KCNQ1: variants seen among roughly 807,000 people sequenced by gnomAD.
The protein encoded by KCNQ1 is potassium voltage-gated channel subfamily KQT member 1.
Under a neutral mutation model 72.4 loss-of-function variants are expected in KCNQ1, and 49 were observed. That is an observed-to-expected ratio of 0.68 (90% CI 0.54 to 0.86). KCNQ1 has a LOEUF of 0.86. Ranked by LOEUF, KCNQ1 falls within the 40% of genes least tolerant of loss-of-function variation. The pLI, the probability that KCNQ1 is intolerant of heterozygous loss-of-function variation, is 0.00. For synonymous variants in KCNQ1, 450 were observed against 412.6 expected (o/e 1.09, Z -1.10); for missense variants, 790 against 945.1 (o/e 0.84, Z 2.15).
At position 2,593,251 on chromosome 11, in the gene KCNQ1, CT is replaced by C. The variant is rs1848692905; in HGVS notation, c.1393+4398del. 6.6e-6 allele frequency among the ~76,000 whole-genome samples: 1 copy of C among 152,180 alleles called. No individual in the cohort carries two copies. The highest frequency in any genetic ancestry group is 1.5e-5 in the Non-Finnish European group (1 of 68,006). On this transcript the variant is annotated intron_variant, in intron 10 of 15. Coordinates refer to ENST00000155840, the MANE Select transcript of KCNQ1 (RefSeq NM_000218.3). The surrounding 1 kb of genome is among the most constrained non-coding windows in gnomAD (Gnocchi z 6.9). ...GCCGGAGGTGGCCTCCTGAATGCCC[CT>C]AGGAGGCCAGAGGAGACTTCCCCAA...
intron 11 of KCNQ1, chr11:2,689,905 C>G: frequency 2.5e-6 from 1 of 398,850 alleles, no homozygotes; most frequent in Non-Finnish European, 4.4e-6. Context: ...TTCCCACCTG[C>G]TCCAACTTCT....
Position 2,669,348 on chromosome 11 carries a change from G to A in KCNQ1, c.1514+7267G>A, listed in dbSNP as rs1401142268. The A allele has an allele frequency of 2.5e-6, 1 of 398,518 alleles. No individual in the cohort carries two copies. Among genetic ancestry groups the A allele is most frequent in the African/African-American group, 2.1e-5 (1 of 48,620 alleles). 24.7% of individuals were successfully genotyped at this position (398,518 alleles called of 1,614,324 possible). On this transcript the variant is annotated intron_variant, in intron 11 of 15. Coordinates refer to ENST00000155840, the MANE Select transcript of KCNQ1 (RefSeq NM_000218.3). The surrounding 1 kb of genome is among the most constrained non-coding windows in gnomAD (Gnocchi z 5.6). ...CCTCTAGGCGCAGCAGCCTCTAGATGGGCATGGGAGAATGGGTATCCTTAT... is the reference window on the plus strand; with the variant it reads ...CCTCTAGGCGCAGCAGCCTCTAGATAGGCATGGGAGAATGGGTATCCTTAT...
chr11:2,568,355 G>A (rs2133722637), intron 2 of KCNQ1, among the ~76,000 whole-genome samples: 1 of 152,340 alleles, frequency 6.6e-6, no homozygotes, highest in South Asian at 2.1e-4. Flanking sequence ...GCTGGGTGGT[G>A]GATGGGTCAG....
At chr11:2,512,754 A>G (rs903102022) in intron 1 of KCNQ1, among the ~76,000 whole-genome samples, 2 of 152,128 alleles carry the variant, frequency 1.3e-5, no homozygotes, top group African/African-American at 4.8e-5. Flanking sequence ...CTGGTCATGG[A>G]GGCTGGGGGC....
chr11:2,601,924 A>G lies in KCNQ1; in HGVS notation c.1393+13070A>G, dbSNP rs561608131. Among the ~76,000 whole-genome samples, 5 of 152,330 alleles carry G rather than the reference A, an allele frequency of 3.3e-5. No homozygotes were observed. Among genetic ancestry groups the G allele is most frequent in the Admixed American group, 6.5e-5 (1 of 15,306 alleles). On this transcript the variant is annotated intron_variant, in intron 10 of 15. Transcript: ENST00000155840. The surrounding 1 kb of genome is among the most constrained non-coding windows in gnomAD (Gnocchi z 5.2). Reference sequence around the variant, plus strand: ...GTCCTAACGCCTAGAACCTGTGACTATCGCCTTCTATGGCAAAGGGCACTC... The same window carrying G: ...GTCCTAACGCCTAGAACCTGTGACTGTCGCCTTCTATGGCAAAGGGCACTC...
intron 1 of KCNQ1, chr11:2,461,378 T>G: frequency 8.1e-7 from 1 of 1,227,746 alleles, no homozygotes; most frequent in Non-Finnish European, 1.0e-6. Flanking sequence ...AAGGGAACCT[T>G]GAGTGTGGAG....
At chr11:2,619,797 G>T in intron 10 of KCNQ1, 1 of 398,078 alleles carries the variant, frequency 2.5e-6, no homozygotes, top group Non-Finnish European at 4.4e-6. Flanking sequence ...ATATTGGGTA[G>T]TATTCAGTCA....
At chr11:2,641,773 C>A (rs1044175940) in intron 10 of KCNQ1, 4 of 398,278 alleles carry the variant, frequency 1.0e-5, no homozygotes, top group African/African-American at 2.1e-5. Flanking sequence ...TAGTTTCATG[C>A]CTCATGTTTA....
intron 1 of KCNQ1, among the ~76,000 whole-genome samples, chr11:2,487,586 T>A (rs933514982): frequency 6.6e-6 from 1 of 152,186 alleles, no homozygotes; most frequent in Admixed American, 6.5e-5. Context: ...GTCTTTTACC[T>A]CCTTGGTTAA....
In KCNQ1 at chr11:2,458,387, A is replaced by T. The variant is rs1846225737; in HGVS notation, c.386+12903A>T. ...GGCAAGCAAACGGAGAGAATCTGAC[A>T]TGTGTCCCAGTCGTGATTAACCTGT... On this transcript the variant is annotated intron_variant, in intron 1 of 15. Coordinates refer to ENST00000155840, the MANE Select transcript of KCNQ1 (RefSeq NM_000218.3). The surrounding 1 kb of genome is among the most constrained non-coding windows in gnomAD (Gnocchi z 4.6). Among the ~76,000 whole-genome samples the T allele has an allele frequency of 1.3e-5, 2 of 152,350 alleles. No homozygotes were observed. The highest frequency in any genetic ancestry group is 4.1e-4 in the South Asian group (2 of 4,828).
In KCNQ1 at chr11:2,724,525, G is replaced by T. The variant is rs997087421; in HGVS notation, c.1515-44319G>T. 1.3e-5 allele frequency among the ~76,000 whole-genome samples: 2 copies of T among 152,200 alleles called. No homozygotes were observed. Among genetic ancestry groups the T allele is most frequent in the Non-Finnish European group, 2.9e-5 (2 of 68,022 alleles). ...AGCGAGCAGGCTGTCCTGCAAGGCC[G>T]TGGCTGCACTGAGGGCAGAAGGGGC... On this transcript the variant is annotated intron_variant, in intron 11 of 15. Transcript: ENST00000155840. This position sits in a 1 kb window ranked among gnomAD's most constrained non-coding sequence, Gnocchi z 6.8.
chr11:2,666,032 T>A, intron 11 of KCNQ1: 1 of 398,656 alleles, frequency 2.5e-6, no homozygotes, highest in Non-Finnish European at 4.4e-6. Context: ...TGCACATGGA[T>A]ACCTGAGATA....
chr11:2,778,102 G>A lies in KCNQ1; in HGVS notation c.1794+65G>A, dbSNP rs1414891710. The A allele has an allele frequency of 4.1e-6, 6 of 1,477,870 alleles. No individual in the cohort carries two copies. In the African/African-American group the frequency reaches 4.2e-5, roughly 10 times the overall value. 91.5% of individuals were successfully genotyped at this position (1,477,870 alleles called of 1,614,324 possible). On this transcript the variant is annotated intron_variant, in intron 15 of 15. Coordinates refer to ENST00000155840, the MANE Select transcript of KCNQ1 (RefSeq NM_000218.3). ...TCCTGGGGCCAGCAGGCACCTCCCT[G>A]TGGTCTGCGTGTGAACGTGAAGCTC...
In KCNQ1 at chr11:2,564,822, G is replaced by A. The variant is rs1848223622; in HGVS notation, c.478-5806G>A. ...TGATGACTGTAGCGACCTCACGTGA[G>A]TGGAAGCAGATAGTATTTGTCCTTG... On this transcript the variant is annotated intron_variant, in intron 2 of 15. Coordinates refer to ENST00000155840, the MANE Select transcript of KCNQ1 (RefSeq NM_000218.3). This position sits in a 1 kb window ranked among gnomAD's most constrained non-coding sequence, Gnocchi z 4.5. 6.6e-6 allele frequency among the ~76,000 whole-genome samples: 1 copy of A among 152,182 alleles called. No individual in the cohort carries two copies. The highest frequency in any genetic ancestry group is 2.4e-5 in the African/African-American group (1 of 41,428).
chr11:2,470,449 C>T (rs1313242353), intron 1 of KCNQ1, among the ~76,000 whole-genome samples: 1 of 152,078 alleles, frequency 6.6e-6, no homozygotes, highest in Non-Finnish European at 1.5e-5. Flanking sequence ...AGCATGGAAG[C>T]GTATATCCCA....
chr11:2,517,443 G>A lies in KCNQ1; in HGVS notation c.387-10485G>A, dbSNP rs149345956. ...CCCTGGGACGGGTTGGATTTGGGGCGCGTTCCCCAGGGCCCCACGCGTGTT... is the reference window on the plus strand; with the variant it reads ...CCCTGGGACGGGTTGGATTTGGGGCACGTTCCCCAGGGCCCCACGCGTGTT... On this transcript the variant is annotated intron_variant, in intron 1 of 15. Transcript: ENST00000155840. Among the ~76,000 whole-genome samples, 82 of 152,272 alleles carry A rather than the reference G, an allele frequency of 5.4e-4. No individual in the cohort carries two copies. The East Asian group carries it at 0.012, about 23-fold the overall frequency.
chr11:2,605,720 A>G (rs1276005793), intron 10 of KCNQ1, among the ~76,000 whole-genome samples: 2 of 152,194 alleles, frequency 1.3e-5, no homozygotes, highest in Non-Finnish European at 2.9e-5. Context: ...GGAAGTATGA[A>G]GCCTCCAACT....
chr11:2,534,797 T>C (rs768538750), intron 2 of KCNQ1, among the ~76,000 whole-genome samples: 1 of 152,240 alleles, frequency 6.6e-6, no homozygotes, highest in Non-Finnish European at 1.5e-5. Flanking sequence ...GGCAGGGTTG[T>C]TTCCGCCTGC....
In KCNQ1 at chr11:2,752,385, C is replaced by T. The variant is rs1846240247; in HGVS notation, c.1515-16459C>T. ...GAGTTTCATTGAGCAGCTTGTTTAG[C>T]TGGTGTGTGCCAGGTGGTCTCTCGG... On this transcript the variant is annotated intron_variant, in intron 11 of 15. Transcript: ENST00000155840. This position sits in a 1 kb window ranked among gnomAD's most constrained non-coding sequence, Gnocchi z 5.2. 6.6e-6 allele frequency among the ~76,000 whole-genome samples: 1 copy of T among 151,346 alleles called. No individual in the cohort carries two copies. Among genetic ancestry groups the T allele is most frequent in the Non-Finnish European group, 1.5e-5 (1 of 67,854 alleles).
Sources: allele counts gnomAD v4.1 joint callset (sites outside exome capture counted in the v4.1 genomes callset), GRCh38; gene constraint gnomAD v4.1.1; non-coding constraint Gnocchi (gnomAD v3.1); transcripts MANE v1.5; gene names NCBI Gene and HGNC (gene_info 2026-07-23, HGNC 2026-07-21).